The following KCNG3 variants were observed in gnomAD, a reference collection of about 807,000 sequenced individuals.
KCNG3 encodes potassium voltage-gated channel modifier subfamily G member 3.
In KCNG3, 15 loss-of-function variants were observed where a neutral mutation model predicts 29.0. The observed-to-expected ratio is 0.52, with a 90% CI of 0.35 to 0.80. KCNG3 has a LOEUF of 0.80. KCNG3 is among the 30% of genes least tolerant of loss of function. The probability of loss-of-function intolerance (pLI) is 0.01; values close to 1 mark genes in which losing one functional copy is unlikely to be tolerated. For synonymous variants in KCNG3, 322 were observed against 248.9 expected (o/e 1.29, Z -2.76); for missense variants, 512 against 605.7 (o/e 0.85, Z 1.62).
At chr2:42,434,458 CAAAAAAAAA>C in the KCNG3 span, among the ~76,000 whole-genome samples, 7 of 31,242 alleles carry the variant, frequency 2.2e-4, no homozygotes, top group Admixed American at 7.4e-4. Flanking sequence ...GACACTGTCT[CAAAAAAAAA>C]AAAAAAAAAA....
the KCNG3 span, among the ~76,000 whole-genome samples, chr2:42,417,467 C>T: frequency 6.6e-6 from 1 of 151,798 alleles, no homozygotes; most frequent in Non-Finnish European, 1.5e-5. Context: ...ACCACAGGCA[C>T]GCACTAACAC....
chr2:42,478,027 G>A (rs1023258680), intron 1 of KCNG3, among the ~76,000 whole-genome samples: 1 of 152,060 alleles, frequency 6.6e-6, no homozygotes, highest in Admixed American at 6.6e-5. Context: ...TGTGAAAGGA[G>A]AGCCTGGAGC....
chr2:42,422,501 A>G, the KCNG3 span, among the ~76,000 whole-genome samples: 1 of 152,116 alleles, frequency 6.6e-6, no homozygotes, highest in Admixed American at 6.5e-5. Context: ...GAACTAAGAC[A>G]CTGACAATAC....
the KCNG3 span, among the ~76,000 whole-genome samples, chr2:42,433,268 C>G: frequency 6.6e-6 from 1 of 152,180 alleles, no homozygotes; most frequent in African/African-American, 2.4e-5. Context: ...GCTAATAAAG[C>G]ATTCAACAAG....
At chr2:42,422,837 C>G in the KCNG3 span, among the ~76,000 whole-genome samples, 1 of 152,146 alleles carries the variant, frequency 6.6e-6, no homozygotes, top group Non-Finnish European at 1.5e-5. Flanking sequence ...GTTGCTGAAA[C>G]CAGTGAACAT....
At chr2:42,474,989 T>C (rs1196491241) in intron 1 of KCNG3, among the ~76,000 whole-genome samples, 4 of 152,198 alleles carry the variant, frequency 2.6e-5, no homozygotes, top group Non-Finnish European at 4.4e-5. Context: ...AGCTACCTTA[T>C]TTCCTGTCTT....
chr2:42,445,847 C>A (rs1672584726), intron 1 of KCNG3, among the ~76,000 whole-genome samples: 1 of 152,016 alleles, frequency 6.6e-6, no homozygotes, highest in South Asian at 2.1e-4. Context: ...CTGCCTCAGC[C>A]TCTCCAGTAG....
intron 1 of KCNG3, among the ~76,000 whole-genome samples, chr2:42,455,677 G>A (rs115846581): frequency 0.053 from 8,075 of 152,224 alleles, 250 homozygotes; most frequent in Middle Eastern, 0.11. Flanking sequence ...GCTGAAGTGG[G>A]AGGATCACTT....
chr2:42,403,115 T>C, the KCNG3 span, among the ~76,000 whole-genome samples: 2 of 152,238 alleles, frequency 1.3e-5, no homozygotes, highest in Non-Finnish European at 2.9e-5. Flanking sequence ...GTCTTGTTAA[T>C]GTGAATGGTC....
intron 1 of KCNG3, chr2:42,464,027 C>G (rs935582755): frequency 4.5e-6 from 1 of 223,922 alleles, no homozygotes; most frequent in Non-Finnish European, 9.2e-6. Context: ...GCAGTGGGCT[C>G]AGTGGTGGTG....
intron 1 of KCNG3, among the ~76,000 whole-genome samples, chr2:42,485,412 A>G (rs1383928586): frequency 6.6e-6 from 1 of 152,058 alleles, no homozygotes; most frequent in Non-Finnish European, 1.5e-5. Flanking sequence ...CTGACCTTTC[A>G]GAAGTCACAA....
At chr2:42,491,952 A>C (rs1218334926) in intron 1 of KCNG3, among the ~76,000 whole-genome samples, 2 of 152,192 alleles carry the variant, frequency 1.3e-5, no homozygotes, top group Non-Finnish European at 2.9e-5. Context: ...TCTTCTTTGA[A>C]AGTCCATCCT....
intron 1 of KCNG3, among the ~76,000 whole-genome samples, chr2:42,462,928 C>A (rs894977900): frequency 6.6e-6 from 1 of 152,112 alleles, no homozygotes. Flanking sequence ...AAATTCCCCC[C>A]AAGTCTACAG....
chr2:42,400,252 A>ACTCACAAT, the KCNG3 span, among the ~76,000 whole-genome samples: 1 of 152,274 alleles, frequency 6.6e-6, no homozygotes, highest in East Asian at 1.9e-4. Context: ...ACAAGCAACC[A>ACTCACAAT]CTCACAATAA....
chr2:42,487,797 T>C (rs1347121881), intron 1 of KCNG3, among the ~76,000 whole-genome samples: 2 of 152,122 alleles, frequency 1.3e-5, no homozygotes, highest in African/African-American at 4.8e-5. Context: ...ATAAAAGAAG[T>C]AAAATATATA....
At chr2:42,390,619 T>C in the KCNG3 span, among the ~76,000 whole-genome samples, 12 of 152,224 alleles carry the variant, frequency 7.9e-5, no homozygotes, top group African/African-American at 2.9e-4. Context: ...GTGTTGTTTA[T>C]CAGACTCCTC....
chr2:42,459,611 T>C (rs972833192), intron 1 of KCNG3, among the ~76,000 whole-genome samples: 1 of 152,184 alleles, frequency 6.6e-6, no homozygotes, highest in Non-Finnish European at 1.5e-5. Flanking sequence ...CTGCCTAATG[T>C]ATGTCAGGCT....
the KCNG3 span, among the ~76,000 whole-genome samples, chr2:42,399,878 G>A: frequency 6.6e-6 from 1 of 152,130 alleles, no homozygotes; most frequent in African/African-American, 2.4e-5. Context: ...TCTGACTCCT[G>A]CCTTAGAAAC....
chr2:42,475,956 C>T (rs1673413597), intron 1 of KCNG3, among the ~76,000 whole-genome samples: 1 of 152,116 alleles, frequency 6.6e-6, no homozygotes. Flanking sequence ...ATCCCAGCTA[C>T]TCGGGAGGCT....
Sources: allele counts gnomAD v4.1 joint callset (sites outside exome capture counted in the v4.1 genomes callset), GRCh38; gene constraint gnomAD v4.1.1; transcripts MANE v1.5; gene names NCBI Gene and HGNC (gene_info 2026-07-23, HGNC 2026-07-21).